Variants in CAMTA1 observed in about 807,000 individuals in gnomAD.
CAMTA1 encodes the protein calmodulin-binding transcription activator 1.
Under a neutral mutation model 170.9 loss-of-function variants are expected in CAMTA1, and 27 were observed. The ratio of observed to expected loss-of-function variants is 0.16; its 90% CI spans 0.12 to 0.22. CAMTA1 has a LOEUF of 0.22. CAMTA1 is among the 10% of genes least tolerant of loss of function. The pLI is 1.00. For missense variants in CAMTA1, 1,619 were observed against 2,217.2 expected (o/e 0.73, Z 5.42); for synonymous variants, 833 against 891.5 (o/e 0.93, Z 1.17).
intron 6 of CAMTA1, among the ~76,000 whole-genome samples, chr1:7,587,295 AC>A (rs1287527769): frequency 6.6e-6 from 1 of 151,658 alleles, no homozygotes; most frequent in East Asian, 2.0e-4. Flanking sequence ...CCAGACAGAT[AC>A]CCCCACCCTA....
At chr1:7,338,436 C>T (rs1015597672) in intron 5 of CAMTA1, among the ~76,000 whole-genome samples, 32 of 152,200 alleles carry the variant, frequency 2.1e-4, no homozygotes, top group Admixed American at 1.6e-3. Context: ...CCAGGAGCAT[C>T]GCTGAGCTTT....
chr1:7,579,920 G>A (rs182248531), intron 6 of CAMTA1, among the ~76,000 whole-genome samples: 58 of 152,350 alleles, frequency 3.8e-4, no homozygotes, highest in African/African-American at 1.2e-3. Context: ...CTTCTCCTGC[G>A]TCACTGGGAC....
intron 5 of CAMTA1, among the ~76,000 whole-genome samples, chr1:7,409,909 T>G (rs1192025769): frequency 6.6e-6 from 1 of 152,114 alleles, no homozygotes; most frequent in African/African-American, 2.4e-5. Context: ...TGTTGATGGG[T>G]GGGCTGAGGC....
chr1:6,987,188 A>T (rs1313943247), intron 3 of CAMTA1, among the ~76,000 whole-genome samples: 1 of 148,762 alleles, frequency 6.7e-6, no homozygotes. Context: ...TTTGAGACAG[A>T]GTCTCACTCT....
chr1:7,417,975 C>G (rs892040918), intron 5 of CAMTA1, among the ~76,000 whole-genome samples: 1 of 152,156 alleles, frequency 6.6e-6, no homozygotes, highest in South Asian at 2.1e-4. Context: ...GACCCAGGCC[C>G]TTCCTCCTGT....
At chr1:7,091,430 T>C (rs1245458782) in intron 4 of CAMTA1, 59 bp downstream of exon 4, 3 of 1,293,286 alleles carry the variant, frequency 2.3e-6, no homozygotes, top group Non-Finnish European at 3.4e-6. Flanking sequence ...TGATTTGCAT[T>C]GATTACCTGA....
At chr1:7,600,365 C>T (rs2095430634) in intron 6 of CAMTA1, among the ~76,000 whole-genome samples, 1 of 152,142 alleles carries the variant, frequency 6.6e-6, no homozygotes, top group Admixed American at 6.5e-5. Flanking sequence ...AGGATTTTTG[C>T]ATCGAGGTTC....
chr1:7,090,860 G>C (rs763873933), intron 3 of CAMTA1, among the ~76,000 whole-genome samples: 4 of 152,100 alleles, frequency 2.6e-5, no homozygotes, highest in African/African-American at 4.8e-5. Context: ...AGGGGGTTGG[G>C]GATGAAGCTG....
At position 7,737,251 on chromosome 1, in the gene CAMTA1, C is replaced by T. The variant is rs371037746; in HGVS notation, c.3343-4C>T. 34 of 1,611,894 alleles carry T rather than the reference C, an allele frequency of 2.1e-5. No individual in the cohort carries two copies. In the African/African-American group the frequency reaches 3.1e-4, roughly 15 times the overall value. ...AACGCTTGCTGTGTCTCCCTGTCTT[C>T]TAGATGTGGGCGTGTGCCCTAGGGC... On this transcript the variant is annotated splice_region_variant and splice_polypyrimidine_tract_variant and intron_variant, in intron 14 of 22. Transcript: ENST00000303635.
intron 3 of CAMTA1, among the ~76,000 whole-genome samples, chr1:6,875,439 C>T (rs1334102797): frequency 6.6e-6 from 1 of 152,120 alleles, no homozygotes; most frequent in African/African-American, 2.4e-5. Context: ...CCCGCGACCA[C>T]ACCTAGCTAA....
intron 3 of CAMTA1, among the ~76,000 whole-genome samples, chr1:6,855,206 T>G (rs146519645): frequency 1.3e-5 from 2 of 152,100 alleles, no homozygotes; most frequent in East Asian, 3.9e-4. Context: ...AAACACAAAT[T>G]CCAAATTTGT....
At chr1:7,037,083 G>A (rs781176059) in intron 3 of CAMTA1, among the ~76,000 whole-genome samples, 6 of 152,104 alleles carry the variant, frequency 3.9e-5, no homozygotes, top group African/African-American at 1.2e-4. Flanking sequence ...AATATCCTAC[G>A]GACACATCAA....
At chr1:7,453,274 G>A (rs1007631474) in intron 5 of CAMTA1, among the ~76,000 whole-genome samples, 9 of 152,240 alleles carry the variant, frequency 5.9e-5, no homozygotes, top group African/African-American at 2.2e-4. Flanking sequence ...CCCAGAATGA[G>A]CCACACGGGG....
chr1:7,193,300 C>A (rs150713574), intron 4 of CAMTA1, among the ~76,000 whole-genome samples: 12,657 of 150,642 alleles, frequency 0.084, 1,656 homozygotes, highest in African/African-American at 0.29. Flanking sequence ...TGCAGTGAGC[C>A]GAGATTGCAC....
chr1:7,625,793 G>A (rs1248222080), intron 6 of CAMTA1, among the ~76,000 whole-genome samples: 2 of 152,194 alleles, frequency 1.3e-5, no homozygotes, highest in Non-Finnish European at 2.9e-5. Flanking sequence ...TTCCTGCAAA[G>A]GCATGTGCTC....
chr1:7,480,579 G>A (rs1481597503), intron 6 of CAMTA1, among the ~76,000 whole-genome samples: 1 of 151,940 alleles, frequency 6.6e-6, no homozygotes, highest in Non-Finnish European at 1.5e-5. Context: ...CTGTGCCATC[G>A]TCATGTTTCC....
At chr1:7,729,470 A>G (rs2096716293) in intron 11 of CAMTA1, among the ~76,000 whole-genome samples, 1 of 152,196 alleles carries the variant, frequency 6.6e-6, no homozygotes, top group African/African-American at 2.4e-5. Flanking sequence ...TTTGTGTTTT[A>G]GTAAAGTAAA....
Position 7,534,694 on chromosome 1 carries a change from C to G in CAMTA1, c.510+66793C>G, listed in dbSNP as rs779331269. On this transcript the variant is annotated intron_variant, in intron 6 of 22. Coordinates refer to ENST00000303635, the MANE Select transcript of CAMTA1 (RefSeq NM_015215.4). The surrounding 1 kb of genome is among the most constrained non-coding windows in gnomAD (Gnocchi z 5.6). ...GGGCCGAGGGGAGCTGAGGCCACGG[C>G]GGGGACTCCTCACTCCTCCTTCCTA... 6.6e-6 allele frequency among the ~76,000 whole-genome samples: 1 copy of G among 152,076 alleles called. No homozygotes were observed. The highest frequency in any genetic ancestry group is 6.5e-5 in the Admixed American group (1 of 15,274).
intron 4 of CAMTA1, among the ~76,000 whole-genome samples, chr1:7,225,796 G>A (rs1661595422): frequency 1.3e-5 from 2 of 152,186 alleles, no homozygotes; most frequent in African/African-American, 2.4e-5. Context: ...AGAAGTTCAG[G>A]GTCTAGTCTC....
Sources: allele counts gnomAD v4.1 joint callset (sites outside exome capture counted in the v4.1 genomes callset), GRCh38; gene constraint gnomAD v4.1.1; non-coding constraint Gnocchi (gnomAD v3.1); transcripts MANE v1.5; gene names NCBI Gene and HGNC (gene_info 2026-07-23, HGNC 2026-07-21).